Variants in KDM7A observed in about 807,000 individuals in gnomAD.
The protein encoded by KDM7A is lysine-specific demethylase 7A.
Under a neutral mutation model 114.8 loss-of-function variants are expected in KDM7A, and 28 were observed. The observed-to-expected ratio is 0.24, with a 90% CI of 0.18 to 0.33. KDM7A has a LOEUF of 0.33. Ranked by LOEUF, KDM7A falls within the 10% of genes least tolerant of loss-of-function variation. The probability of loss-of-function intolerance (pLI) is 1.00; values close to 1 mark genes in which losing one functional copy is unlikely to be tolerated. For missense variants in KDM7A, 942 were observed against 1,142.5 expected, an observed-to-expected ratio of 0.82 and a Z score of 2.53; for synonymous variants, 423 against 397.8, an observed-to-expected ratio of 1.06 and a Z score of -0.75.
At chr7:140,171,166 C>G (rs533633750) in intron 1 of KDM7A, among the ~76,000 whole-genome samples, 2 of 152,062 alleles carry the variant, frequency 1.3e-5, no homozygotes, top group Admixed American at 1.3e-4. Flanking sequence ...CACCCAAGAT[C>G]AAGATAAAGA....
rs773966779 is a variant in KDM7A, at chr7:140,127,517, T to C, written c.626A>G (p.Asn209Ser). 4 of 1,613,758 alleles carry C rather than the reference T, an allele frequency of 2.5e-6. No homozygotes were observed. The highest frequency in any genetic ancestry group is 3.4e-6 in the Non-Finnish European group (4 of 1,179,646). The change falls in exon 5 of 20, where the codon AAT becomes AGT. Residue 209 changes from asparagine (N) to serine (S), a missense_variant. Asn to Ser is a conservative substitution (Grantham distance 46, BLOSUM62 1). This residue lies in a region of KDM7A where 318 missense variants were observed against 453.1 expected (regional missense o/e 0.70). Coordinates refer to ENST00000397560, the MANE Select transcript of KDM7A (RefSeq NM_030647.2). ...AGGATTCATGAAGTATTTAACATAA[T>C]TGTGAAGTGTCATTTTGCTGTCTGC... ...RQADSKMTLH[N>S]YVKYFMNPNR...
chr7:140,093,947 C>T, intron 18 of KDM7A, 109 bp downstream of exon 18: 2 of 742,284 alleles, frequency 2.7e-6, no homozygotes, highest in East Asian at 2.5e-5. Context: ...TTTCTGGCTG[C>T]CTAGATCTAG....
At chr7:140,136,474 G>C (rs1362227059) in intron 2 of KDM7A, among the ~76,000 whole-genome samples, 1 of 152,184 alleles carries the variant, frequency 6.6e-6, no homozygotes, top group East Asian at 1.9e-4. Flanking sequence ...TTTAGTAATG[G>C]TTAAAGGGAA....
In KDM7A at chr7:140,146,969, C is replaced by T. The variant is rs116352363; in HGVS notation, c.195-7779G>A. ...CCAAATTCTTTCAGATCTTACTGTC[C>T]GTGGACTTCATTAGATATTCCTCTT... On this transcript the variant is annotated intron_variant, in intron 1 of 19. Coordinates refer to ENST00000397560, the MANE Select transcript of KDM7A (RefSeq NM_030647.2). Among the ~76,000 whole-genome samples, 488 of 152,130 alleles carry T rather than the reference C, an allele frequency of 3.2e-3. 2 individuals carry two copies. Among genetic ancestry groups the T allele is most frequent in the African/African-American group, 0.011 (461 of 41,492 alleles).
chr7:140,122,686 T>C (rs2116794577), intron 7 of KDM7A, among the ~76,000 whole-genome samples: 1 of 152,298 alleles, frequency 6.6e-6, no homozygotes, highest in South Asian at 2.1e-4. Context: ...TACATTCATT[T>C]ACATCTCAAA....
intron 1 of KDM7A, among the ~76,000 whole-genome samples, chr7:140,171,507 A>ATAAATATATATTTATT (rs1794638527): frequency 7.2e-6 from 1 of 139,550 alleles, no homozygotes; most frequent in South Asian, 2.2e-4. Context: ...TACATATTTT[A>ATAAATATATATTTATT]TATATATTTA....
At chr7:140,170,180 A>G (rs972387937) in intron 1 of KDM7A, among the ~76,000 whole-genome samples, 2 of 150,992 alleles carry the variant, frequency 1.3e-5, no homozygotes, top group African/African-American at 5.0e-5. Flanking sequence ...AATAAAAAAA[A>G]TCCATTTATA....
Position 140,176,590 on chromosome 7 carries a change from C to T in KDM7A, c.194+154G>A, listed in dbSNP as rs958463068. Among the ~76,000 whole-genome samples, 13 of 146,498 alleles carry T rather than the reference C, an allele frequency of 8.9e-5. No individual in the cohort carries two copies. The highest frequency in any genetic ancestry group is 6.8e-5 in the Admixed American group (1 of 14,772). On this transcript the variant is annotated intron_variant, in intron 1 of 19. Transcript: ENST00000397560. The surrounding 1 kb of genome is among the most constrained non-coding windows in gnomAD (Gnocchi z 4.4). ...CCGGCGAACCCGGGGCACCGCGCGC[C>T]CCACTGCCCGGCCGGGGGGCTAGGC...
At chr7:140,100,660 T>TTATATATATATATATATACACATATA (rs1818185318) in intron 12 of KDM7A, among the ~76,000 whole-genome samples, 5 of 111,284 alleles carry the variant, frequency 4.5e-5, no homozygotes, top group Admixed American at 8.9e-5. Context: ...TTTTAAAAAG[T>TTATATATATATATATATACACATATA]TATATATATA....
At chr7:140,131,070 T>C (rs1049259554) in intron 3 of KDM7A, among the ~76,000 whole-genome samples, 2 of 152,012 alleles carry the variant, frequency 1.3e-5, no homozygotes, top group African/African-American at 4.8e-5. Context: ...GGTTTCACCG[T>C]GTTAGCCAGG....
At chr7:140,172,852 A>G (rs1794661053) in intron 1 of KDM7A, among the ~76,000 whole-genome samples, 2 of 152,232 alleles carry the variant, frequency 1.3e-5, no homozygotes, top group South Asian at 4.1e-4. Context: ...AAAAAAGAAT[A>G]TACATATACA....
chr7:140,125,937 C>T (rs185220279), intron 6 of KDM7A, among the ~76,000 whole-genome samples: 1 of 151,788 alleles, frequency 6.6e-6, no homozygotes, highest in Non-Finnish European at 1.5e-5. Context: ...CAGGATCTCG[C>T]TCTGTTGCCC....
intron 1 of KDM7A, 148 bp from the exon 2 acceptor site, chr7:140,139,338 T>C (rs887009016): frequency 3.4e-6 from 2 of 580,114 alleles, no homozygotes; most frequent in African/African-American, 3.8e-5. Flanking sequence ...AAAGATAAAT[T>C]TTATTCTGTT....
intron 13 of KDM7A, 94 bp from the exon 14 acceptor site, chr7:140,099,127 G>T: frequency 1.1e-6 from 1 of 924,560 alleles, no homozygotes; most frequent in Non-Finnish European, 1.6e-6. Context: ...AAAGAGTAGA[G>T]AATTGAGACA....
chr7:140,136,604 G>A (rs559951154), intron 2 of KDM7A, among the ~76,000 whole-genome samples: 58 of 152,318 alleles, frequency 3.8e-4, no homozygotes, highest in African/African-American at 1.3e-3. Flanking sequence ...TTCCCAGTAA[G>A]AGGGTAAAGT....
Position 140,090,977 on chromosome 7 carries a change from G to C in KDM7A, c.*117C>G. On this transcript the variant is annotated 3_prime_UTR_variant, in exon 20 of 20. Coordinates refer to ENST00000397560, the MANE Select transcript of KDM7A (RefSeq NM_030647.2). ...CAGCATCAGGTTCATTCTGTTCTTC[G>C]GGCAGTGTTCTTACTATACACACAA... 1.4e-6 allele frequency: 1 copy of C among 707,900 alleles called. No individual in the cohort carries two copies. The highest frequency in any genetic ancestry group is 2.5e-6 in the Non-Finnish European group (1 of 393,896). The allele number at this position is 707,900 out of a possible 1,614,324, so 43.9% of individuals were successfully genotyped here. A position where few individuals can be genotyped will look rare whatever the true frequency, so the allele number is the denominator to read the frequency against.
chr7:140,096,166 A>G (rs761142411), intron 17 of KDM7A, among the ~76,000 whole-genome samples: 10 of 152,166 alleles, frequency 6.6e-5, no homozygotes, highest in Non-Finnish European at 1.3e-4. Context: ...AGCCTCAATC[A>G]GAAAGAAACA....
intron 1 of KDM7A, among the ~76,000 whole-genome samples, chr7:140,154,901 C>A (rs996735736): frequency 1.3e-5 from 2 of 152,044 alleles, no homozygotes; most frequent in East Asian, 3.9e-4. Flanking sequence ...TTTAAATTTA[C>A]AAAATTAAAA....
At chr7:140,173,867 G>C (rs1794672538) in intron 1 of KDM7A, among the ~76,000 whole-genome samples, 1 of 152,066 alleles carries the variant, frequency 6.6e-6, no homozygotes, top group African/African-American at 2.4e-5. Flanking sequence ...CAATACTTAA[G>C]AATTAAACTT....
Sources: gnomAD v4.1 joint callset for allele counts (sites outside exome capture counted in the v4.1 genomes callset) on GRCh38, gnomAD v4.1.1 for gene constraint, gnomAD v4.1.1 regional missense constraint, Gnocchi (gnomAD v3.1) non-coding constraint, MANE v1.5 for transcripts, NCBI Gene and HGNC (gene_info 2026-07-23, HGNC 2026-07-21) for gene names.